MYO3B: variants seen among roughly 807,000 people sequenced by gnomAD.
MYO3B encodes myosin IIIB, also known as myosin-IIIb.
MYO3B carries 156 observed loss-of-function variants against 174.6 expected under a neutral mutation model. That is an observed-to-expected ratio of 0.89 (90% CI 0.78 to 1.02). The LOEUF (loss-of-function observed/expected upper bound fraction) is 1.02, where lower values mean the gene tolerates loss of function less well. MYO3B is among the 50% of genes least tolerant of loss of function. MYO3B has a pLI of 0.00. For synonymous variants in MYO3B, 563 were observed against 569.1 expected, an observed-to-expected ratio of 0.99 and a Z score of 0.15; for missense variants, 1,632 against 1,639.4, an observed-to-expected ratio of 1.00 and a Z score of 0.08.
At chr2:170,645,884 G>C (rs185512380) in intron 32 of MYO3B, among the ~76,000 whole-genome samples, 1 of 152,276 alleles carries the variant, frequency 6.6e-6, no homozygotes, top group Admixed American at 6.5e-5. Context: ...TCGCCGCTTT[G>C]TCAGTGACTC....
intron 7 of MYO3B, among the ~76,000 whole-genome samples, chr2:170,321,785 T>G (rs1216671354): frequency 6.6e-6 from 1 of 152,090 alleles, no homozygotes; most frequent in Non-Finnish European, 1.5e-5. Context: ...TTCTGAAAAT[T>G]CTTGTGTAAA....
At chr2:170,221,675 A>G (rs1054686702) in intron 6 of MYO3B, among the ~76,000 whole-genome samples, 35 of 152,186 alleles carry the variant, frequency 2.3e-4, no homozygotes, top group African/African-American at 8.2e-4. Context: ...TTGAAACAAT[A>G]CTACTGGGGA....
chr2:170,535,548 C>A (rs1471080007), intron 30 of MYO3B, among the ~76,000 whole-genome samples: 1 of 152,164 alleles, frequency 6.6e-6, no homozygotes, highest in African/African-American at 2.4e-5. Context: ...CTGGAAGAGT[C>A]CAGTAACAAA....
intron 22 of MYO3B, among the ~76,000 whole-genome samples, chr2:170,421,710 G>C (rs573913894): frequency 4.6e-5 from 7 of 152,262 alleles, no homozygotes; most frequent in Admixed American, 4.6e-4. Context: ...CTCTTCCCCT[G>C]TTAATGGTTT....
At chr2:170,558,016 C>T (rs1285240192) in intron 32 of MYO3B, among the ~76,000 whole-genome samples, 6 of 152,056 alleles carry the variant, frequency 3.9e-5, no homozygotes, top group South Asian at 4.2e-4. Flanking sequence ...ATTCTTAAAA[C>T]GGAGGCCAGA....
intron 16 of MYO3B, among the ~76,000 whole-genome samples, 160 bp downstream of exon 16, chr2:170,392,655 A>G (rs2094420031): frequency 6.6e-6 from 1 of 152,212 alleles, no homozygotes; most frequent in Admixed American, 6.5e-5. Flanking sequence ...AGGACCAGAA[A>G]CATTGTTATC....
intron 1 of MYO3B, among the ~76,000 whole-genome samples, chr2:170,193,747 T>G (rs998595851): frequency 6.6e-6 from 1 of 152,158 alleles, no homozygotes; most frequent in African/African-American, 2.4e-5. Context: ...ATCAATTATC[T>G]ATTGCCTACT....
intron 25 of MYO3B, among the ~76,000 whole-genome samples, chr2:170,491,526 C>T (rs978785535): frequency 6.6e-6 from 1 of 152,060 alleles, no homozygotes; most frequent in Non-Finnish European, 1.5e-5. Context: ...CCCAGGTTCA[C>T]GCCATTCTCC....
intron 1 of MYO3B, among the ~76,000 whole-genome samples, chr2:170,179,143 C>T (rs2092366884): frequency 6.6e-6 from 1 of 152,100 alleles, no homozygotes; most frequent in Admixed American, 6.6e-5. Flanking sequence ...AGCCAACCCA[C>T]CATAGCACAT....
rs529041535 is a variant in MYO3B, at chr2:170,221,219, G to A, written c.603+3824G>A. On this transcript the variant is annotated intron_variant, in intron 6 of 34. Coordinates refer to ENST00000408978, the MANE Select transcript of MYO3B (RefSeq NM_138995.5). The stretch of plus-strand genomic sequence containing the variant: ...AATAAGTGGTCTTTAGATTAAATAC[G>A]ACAATGCACGCAATACCAATGCCAG... Among the ~76,000 whole-genome samples the A allele has an allele frequency of 3.3e-5, 5 of 152,090 alleles. No homozygotes were observed. In the East Asian group the frequency reaches 7.8e-4, roughly 24 times the overall value.
intron 23 of MYO3B, among the ~76,000 whole-genome samples, chr2:170,461,775 TA>T (rs5836280): frequency 0.91 from 132,045 of 144,918 alleles, 60,064 homozygotes; most frequent in Middle Eastern, 0.96. Flanking sequence ...AAACTCCGTT[TA>T]AAAAAAAAAA....
intron 6 of MYO3B, among the ~76,000 whole-genome samples, chr2:170,229,332 T>C (rs569727863): frequency 1.1e-4 from 16 of 152,340 alleles, no homozygotes. Context: ...TTAGGTCTGT[T>C]TGCCTTGCCT....
intron 28 of MYO3B, 59 bp downstream of exon 28, chr2:170,501,924 TG>T: frequency 8.4e-7 from 1 of 1,187,162 alleles, no homozygotes. Flanking sequence ...CTAACTTCTG[TG>T]AATGTAGAAA....
At chr2:170,584,869 C>A (rs1693400967) in intron 32 of MYO3B, among the ~76,000 whole-genome samples, 1 of 152,224 alleles carries the variant, frequency 6.6e-6, no homozygotes, top group South Asian at 2.1e-4. Context: ...TTTCAGTAGA[C>A]AGTAGGTAGT....
chr2:170,386,159 C>A (rs201089975), intron 12 of MYO3B, 30 bp from the exon 13 acceptor site: 3 of 1,602,192 alleles, frequency 1.9e-6, no homozygotes, highest in Non-Finnish European at 8.5e-7. Context: ...GCTATAAATT[C>A]TTCACTTGAC....
At position 170,475,599 on chromosome 2, in the gene MYO3B, A is replaced by C. The variant is rs371976602; in HGVS notation, c.3014+8888A>C. ...TTTCCTGCCATACTTTCAGAATACT[A>C]ATCAATCTTTCAGCTGAATTTTTGC... On this transcript the variant is annotated intron_variant, in intron 25 of 34. Transcript: ENST00000408978. Among the ~76,000 whole-genome samples, 200 of 152,294 alleles carry C rather than the reference A, an allele frequency of 1.3e-3. 5 individuals carry two copies. In the South Asian group the frequency reaches 0.04, roughly 31 times the overall value.
intron 32 of MYO3B, among the ~76,000 whole-genome samples, chr2:170,548,230 A>G (rs1233412243): frequency 6.6e-6 from 1 of 151,786 alleles, no homozygotes; most frequent in Non-Finnish European, 1.5e-5. Flanking sequence ...ACCATGATAA[A>G]GGCCTGGAGG....
intron 28 of MYO3B, among the ~76,000 whole-genome samples, chr2:170,512,030 G>A (rs1209292932): frequency 6.6e-6 from 1 of 152,176 alleles, no homozygotes; most frequent in Non-Finnish European, 1.5e-5. Context: ...CTAGGATAAT[G>A]GAAAACTTCC....
chr2:170,354,385 G>A (rs1364088344), intron 8 of MYO3B, among the ~76,000 whole-genome samples: 4 of 152,180 alleles, frequency 2.6e-5, no homozygotes, highest in Admixed American at 1.3e-4. Context: ...TTGCTGCTAT[G>A]AGTATATTTT....
Sources: allele counts gnomAD v4.1 joint callset (sites outside exome capture counted in the v4.1 genomes callset), GRCh38; gene constraint gnomAD v4.1.1; transcripts MANE v1.5; gene names NCBI Gene and HGNC (gene_info 2026-07-23, HGNC 2026-07-21).